The following ARHGAP12 variants were observed in gnomAD, a reference collection of about 807,000 sequenced individuals.
The protein encoded by ARHGAP12 is Rho GTPase activating protein 12.
In ARHGAP12, 64 loss-of-function variants were observed where a neutral mutation model predicts 108.6. The ratio of observed to expected loss-of-function variants is 0.59; its 90% CI spans 0.48 to 0.73. ARHGAP12 has a LOEUF of 0.73. Ranked by LOEUF, ARHGAP12 falls within the 30% of genes least tolerant of loss-of-function variation. The pLI is 0.00. For synonymous variants in ARHGAP12, 312 were observed against 337.2 expected, an observed-to-expected ratio of 0.93 and a Z score of 0.82; for missense variants, 940 against 1,005.9, an observed-to-expected ratio of 0.93 and a Z score of 0.89.
intron 9 of ARHGAP12, among the ~76,000 whole-genome samples, chr10:31,836,184 T>C (rs1836008374): frequency 6.6e-6 from 1 of 152,186 alleles, no homozygotes; most frequent in South Asian, 2.1e-4. Flanking sequence ...CTAAATTGAT[T>C]AATGCATATT....
intron 3 of ARHGAP12, among the ~76,000 whole-genome samples, chr10:31,899,718 T>C (rs918637054): frequency 1.3e-5 from 2 of 152,114 alleles, no homozygotes; most frequent in South Asian, 4.1e-4. Flanking sequence ...TCACAAAAAA[T>C]TAACTAAAAA....
chr10:31,843,577 A>C lies in ARHGAP12; in HGVS notation c.1180T>G (p.Ser394Ala). 1 of 1,603,758 alleles carries C rather than the reference A, an allele frequency of 6.2e-7. No individual in the cohort carries two copies. The highest frequency in any genetic ancestry group is 8.5e-7 in the Non-Finnish European group (1 of 1,177,272). Residue 394 changes from serine to alanine, a missense_variant, in exon 7 of 20, where the codon TCA (serine) becomes GCA (alanine). Physicochemically the swap from Ser to Ala is moderately conservative, Grantham distance 99. Transcript: ENST00000344936. ...SEWELPKYNA[S>A]SQQQREIIKS... Reference sequence around the variant, plus strand: ...ATTATTTCTCTTTGCTGCTGGGATGAAGCATTATACTAAAACAAAACAAAG... The same window carrying C: ...ATTATTTCTCTTTGCTGCTGGGATGCAGCATTATACTAAAACAAAACAAAG...
rs887843944 is a variant in ARHGAP12 at position 31,910,574 on chromosome 10, A to G, written c.-110-11T>C. 16 of 152,254 alleles carry G rather than the reference A, an allele frequency of 1.1e-4. No homozygotes were observed. Among genetic ancestry groups the G allele is most frequent in the African/African-American group, 3.9e-4 (16 of 41,460 alleles). The allele number at this position is 152,254 out of a possible 1,614,324, so 9.4% of individuals were successfully genotyped here. On this transcript the variant is annotated splice_polypyrimidine_tract_variant and intron_variant, in intron 1 of 19. Transcript: ENST00000344936. ...GTATCACATTTAAACCTGTAAAAAA[A>G]TAAATAAGTTCATTAACTCAAACCA...
At chr10:31,904,553 G>A (rs911939069) in intron 3 of ARHGAP12, among the ~76,000 whole-genome samples, 4 of 152,144 alleles carry the variant, frequency 2.6e-5, no homozygotes, top group Non-Finnish European at 5.9e-5. Context: ...ACCCCTGATC[G>A]TGATATTACA....
intron 3 of ARHGAP12, among the ~76,000 whole-genome samples, chr10:31,876,971 C>T (rs904766854): frequency 6.6e-6 from 1 of 152,174 alleles, no homozygotes; most frequent in African/African-American, 2.4e-5. Flanking sequence ...TCCTAATCCT[C>T]ATCTGAAGAC....
intron 18 of ARHGAP12, 94 bp from the exon 19 acceptor site, chr10:31,808,845 G>A: frequency 7.3e-7 from 1 of 1,372,598 alleles, no homozygotes; most frequent in Non-Finnish European, 1.0e-6. Flanking sequence ...GTAATACACA[G>A]TGACATCTGG....
intron 3 of ARHGAP12, among the ~76,000 whole-genome samples, chr10:31,894,092 G>C (rs967409764): frequency 6.6e-6 from 1 of 152,120 alleles, no homozygotes; most frequent in Non-Finnish European, 1.5e-5. Flanking sequence ...TTGATGGGAT[G>C]TATCTCAAAA....
At chr10:31,852,415 TA>T in intron 6 of ARHGAP12, 101 bp downstream of exon 6, 2 of 994,018 alleles carry the variant, frequency 2.0e-6, no homozygotes, top group Non-Finnish European at 3.2e-6. Flanking sequence ...TTCTACTTTG[TA>T]AAAGTAGAAT....
chr10:31,869,059 A>G (rs891365212), intron 3 of ARHGAP12, among the ~76,000 whole-genome samples: 1 of 152,220 alleles, frequency 6.6e-6, no homozygotes, highest in African/African-American at 2.4e-5. Flanking sequence ...ACTGAAAGAC[A>G]ATTCTTAAGT....
chr10:31,887,061 C>T (rs559837250), intron 3 of ARHGAP12, among the ~76,000 whole-genome samples: 1 of 152,276 alleles, frequency 6.6e-6, no homozygotes, highest in East Asian at 1.9e-4. Flanking sequence ...TACAGGGAGA[C>T]AGAGGCAGAA....
intron 10 of ARHGAP12, among the ~76,000 whole-genome samples, chr10:31,830,266 C>G (rs1592263733): frequency 6.6e-6 from 1 of 151,980 alleles, no homozygotes; most frequent in South Asian, 2.1e-4. Context: ...TTAAGAACCA[C>G]TAATACATAG....
intron 6 of ARHGAP12, among the ~76,000 whole-genome samples, chr10:31,843,796 C>T (rs1836353482): frequency 6.6e-6 from 1 of 152,096 alleles, no homozygotes; most frequent in Non-Finnish European, 1.5e-5. Context: ...GTTACACAGA[C>T]CAAGGTAGTG....
intron 11 of ARHGAP12, among the ~76,000 whole-genome samples, chr10:31,822,147 C>T (rs549878111): frequency 3.2e-4 from 49 of 152,008 alleles, no homozygotes; most frequent in African/African-American, 1.1e-3. Context: ...AAATCTAGTC[C>T]CACTTTTCTC....
At chr10:31,821,096 T>C (rs774635045) in intron 11 of ARHGAP12, among the ~76,000 whole-genome samples, 2 of 152,150 alleles carry the variant, frequency 1.3e-5, no homozygotes, top group Non-Finnish European at 2.9e-5. Flanking sequence ...AGTATTTCCT[T>C]ATTGAGTAGT....
At chr10:31,909,144 A>T (rs1010282181) in intron 2 of ARHGAP12, among the ~76,000 whole-genome samples, 6 of 152,070 alleles carry the variant, frequency 3.9e-5, no homozygotes, top group African/African-American at 1.5e-4. Context: ...ACTTATGACC[A>T]AAACAAAAGC....
intron 3 of ARHGAP12, among the ~76,000 whole-genome samples, chr10:31,902,325 T>C (rs1433345404): frequency 1.4e-5 from 2 of 139,410 alleles, no homozygotes; most frequent in African/African-American, 5.5e-5. Flanking sequence ...TAGATATCCA[T>C]AGGCAAAAAA....
intron 1 of ARHGAP12, among the ~76,000 whole-genome samples, chr10:31,919,715 A>T (rs547393079): frequency 4.6e-4 from 69 of 151,274 alleles, no homozygotes; most frequent in African/African-American, 1.5e-3. Flanking sequence ...GGTGTGAACC[A>T]GGGAGGTGGA....
At chr10:31,898,617 C>T (rs1838800107) in intron 3 of ARHGAP12, among the ~76,000 whole-genome samples, 1 of 152,184 alleles carries the variant, frequency 6.6e-6, no homozygotes, top group Non-Finnish European at 1.5e-5. Flanking sequence ...CATACACAAA[C>T]GTGGTCCCAT....
intron 4 of ARHGAP12, among the ~76,000 whole-genome samples, chr10:31,857,216 T>C (rs745542714): frequency 1.3e-5 from 2 of 152,226 alleles, no homozygotes; most frequent in African/African-American, 4.8e-5. Context: ...TAAATCTAGA[T>C]GAATGATACA....
Sources: allele counts gnomAD v4.1 joint callset (sites outside exome capture counted in the v4.1 genomes callset), GRCh38; gene constraint gnomAD v4.1.1; transcripts MANE v1.5; gene names NCBI Gene and HGNC (gene_info 2026-07-23, HGNC 2026-07-21).